The following ITGAE variants were observed in gnomAD, a reference collection of about 807,000 sequenced individuals.
ITGAE encodes integrin subunit alpha E.
ITGAE carries 99 observed loss-of-function variants against 136.5 expected under a neutral mutation model. The observed-to-expected ratio is 0.73, with a 90% CI of 0.62 to 0.86. ITGAE has a LOEUF of 0.86. ITGAE is among the 40% of genes least tolerant of loss of function. ITGAE has a pLI of 0.00. For missense variants in ITGAE, 1,447 were observed against 1,515.3 expected (o/e 0.95, Z 0.75); for synonymous variants, 613 against 591.8 (o/e 1.04, Z -0.52).
intron 20 of ITGAE, among the ~76,000 whole-genome samples, chr17:3,739,259 G>GT (rs2051529624): frequency 6.6e-6 from 1 of 152,082 alleles, no homozygotes; most frequent in South Asian, 2.1e-4. Flanking sequence ...CACCTTCCCT[G>GT]TGTCTTCAAC....
At chr17:3,722,869 G>A (rs1194585551) in intron 28 of ITGAE, among the ~76,000 whole-genome samples, 3 of 152,230 alleles carry the variant, frequency 2.0e-5, no homozygotes, top group African/African-American at 7.2e-5. Flanking sequence ...TAGCTGTTAC[G>A]TGGGAATTAT....
intron 22 of ITGAE, among the ~76,000 whole-genome samples, chr17:3,731,874 A>G (rs1358557749): frequency 1.3e-5 from 2 of 150,014 alleles, no homozygotes; most frequent in African/African-American, 4.9e-5. Flanking sequence ...GGAGTTTGAG[A>G]CCAGCCTGGC....
chr17:3,795,307 C>T lies in ITGAE; in HGVS notation c.34+5804G>A, dbSNP rs540054441. Among the ~76,000 whole-genome samples, 30 of 152,314 alleles carry T rather than the reference C, an allele frequency of 2.0e-4. No individual in the cohort carries two copies. The South Asian group carries it at 5.6e-3, about 28-fold the overall frequency. On this transcript the variant is annotated intron_variant, in intron 1 of 30. Coordinates refer to ENST00000263087, the MANE Select transcript of ITGAE (RefSeq NM_002208.5). ...CCCCCAGCCACAGAGCCCAGCTCAG[C>T]GCAGGGCCAGGCCCACCCAAAAAAG...
chr17:3,770,407 G>T (rs573403209), intron 2 of ITGAE, among the ~76,000 whole-genome samples: 1 of 152,224 alleles, frequency 6.6e-6, no homozygotes, highest in Non-Finnish European at 1.5e-5. Context: ...TGGGATTACG[G>T]GTGTGAGCCC....
intron 1 of ITGAE, chr17:3,784,456 G>A: frequency 2.9e-5 from 5 of 170,088 alleles, no homozygotes; most frequent in Non-Finnish European, 6.3e-5. Flanking sequence ...GTGCAGTGGT[G>A]CAATCTTGGC....
At chr17:3,788,273 T>A (rs1291895642) in intron 1 of ITGAE, among the ~76,000 whole-genome samples, 3 of 151,756 alleles carry the variant, frequency 2.0e-5, no homozygotes, top group Non-Finnish European at 2.9e-5. Flanking sequence ...CCCCCAAGGT[T>A]GTACACAGTA....
At chr17:3,735,085 C>T (rs2051432171) in intron 20 of ITGAE, 136 bp from the exon 21 acceptor site, 1 of 969,816 alleles carries the variant, frequency 1.0e-6, no homozygotes, top group Admixed American at 2.1e-5. Flanking sequence ...CCTCCACTTC[C>T]TGGGTTCAAG....
At chr17:3,750,043 T>G (rs1024327307) in intron 16 of ITGAE, among the ~76,000 whole-genome samples, 2 of 152,120 alleles carry the variant, frequency 1.3e-5, no homozygotes, top group East Asian at 3.8e-4. Flanking sequence ...CAAAAAACTC[T>G]GCAATCACAG....
At chr17:3,793,507 T>C (rs1434533582) in intron 1 of ITGAE, among the ~76,000 whole-genome samples, 1 of 152,212 alleles carries the variant, frequency 6.6e-6, no homozygotes, top group Non-Finnish European at 1.5e-5. Flanking sequence ...CTACTGGGCA[T>C]CCCTTATCTC....
At chr17:3,737,110 T>C (rs1384078981) in intron 20 of ITGAE, among the ~76,000 whole-genome samples, 2 of 152,036 alleles carry the variant, frequency 1.3e-5, no homozygotes, top group African/African-American at 2.4e-5. Context: ...CTGGCCAACA[T>C]GGTAAAACCC....
chr17:3,758,866 C>T (rs1428389310), intron 8 of ITGAE, among the ~76,000 whole-genome samples: 1 of 151,772 alleles, frequency 6.6e-6, no homozygotes, highest in Non-Finnish European at 1.5e-5. Flanking sequence ...TGGCTCACGC[C>T]TGTAATCCCA....
Position 3,801,180 on chromosome 17 carries a change from G to A in ITGAE, c.-36C>T, listed in dbSNP as rs1484903047. The A allele has an allele frequency of 3.1e-6, 5 of 1,606,976 alleles. No individual in the cohort carries two copies. Among genetic ancestry groups the A allele is most frequent in the Middle Eastern group, 1.7e-4 (1 of 6,048 alleles). On this transcript the variant is annotated 5_prime_UTR_variant, in exon 1 of 31. Coordinates refer to ENST00000263087, the MANE Select transcript of ITGAE (RefSeq NM_002208.5). ...GCAGAGGCGGCTGTGTGGGAGCCGA[G>A]GCGAGTGCGACACATGGGCCGTGGC...
chr17:3,759,971 T>C (rs1354171802), intron 7 of ITGAE, among the ~76,000 whole-genome samples: 1 of 152,172 alleles, frequency 6.6e-6, no homozygotes, highest in Non-Finnish European at 1.5e-5. Context: ...GAGGTCATCT[T>C]AGGCCATCCA....
At chr17:3,730,448 T>A (rs2051314689) in intron 23 of ITGAE, 1 of 89,490 alleles carries the variant, frequency 1.1e-5, no homozygotes, top group Non-Finnish European at 3.1e-5. Flanking sequence ...CGAGACTCTG[T>A]CTCAAAAAAT....
intron 2 of ITGAE, among the ~76,000 whole-genome samples, chr17:3,770,940 C>T (rs536820653): frequency 2.6e-5 from 4 of 152,246 alleles, no homozygotes; most frequent in Non-Finnish European, 5.9e-5. Flanking sequence ...GAGACAGTTA[C>T]AGAAAACGCT....
chr17:3,760,439 T>TA lies in ITGAE; in HGVS notation c.599-153_599-152insT, dbSNP rs2052138879. On this transcript the variant is annotated intron_variant, in intron 6 of 30. Transcript: ENST00000263087. ...GCTCCCAAGAGGGAAGCTTTTTTTT[T>TA]TTTTTTTTTTTTTTTTTTGAGACAG... 4.4e-5 allele frequency: 21 copies of TA among 480,366 alleles called. No homozygotes were observed. In the South Asian group the frequency reaches 7.4e-4, roughly 17 times the overall value. The allele number at this position is 480,366 out of a possible 1,614,324, so 29.8% of individuals were successfully genotyped here.
In ITGAE at chr17:3,737,428, A is replaced by AGGTGGCTGAGTGGTGCC. The variant is rs375190894; in HGVS notation, c.2522+2360_2522+2376dup. ...AGGGCAAGTTCTGAGTTTCTAGCTCAGGTGGCTGAGTGGTGCCGGTGGCTG... is the reference window on the plus strand; with the variant it reads ...AGGGCAAGTTCTGAGTTTCTAGCTCAGGTGGCTGAGTGGTGCCGGTGGCTGAGTGGTGCCGGTGGCTG... On this transcript the variant is annotated intron_variant, in intron 20 of 30. Coordinates refer to ENST00000263087, the MANE Select transcript of ITGAE (RefSeq NM_002208.5). 4.7e-4 allele frequency among the ~76,000 whole-genome samples: 72 copies of AGGTGGCTGAGTGGTGCC among 152,158 alleles called. 1 individual carries two copies. Among genetic ancestry groups the AGGTGGCTGAGTGGTGCC allele is most frequent in the Admixed American group, 1.1e-3 (17 of 15,286 alleles).
intron 19 of ITGAE, 146 bp from the exon 20 acceptor site, chr17:3,740,024 C>G: frequency 3.0e-6 from 2 of 671,062 alleles, no homozygotes; most frequent in South Asian, 1.6e-5. Context: ...GGGGTGCAGG[C>G]TGGGATTGTC....
chr17:3,777,717 C>T lies in ITGAE; in HGVS notation c.35-57G>A, dbSNP rs906501765. On this transcript the variant is annotated intron_variant, in intron 1 of 30. Transcript: ENST00000263087. ...AGGCCTTTTACTCCCGTTATTCCAG[C>T]AAATCCTGTGGTGTCATGAACCCCG... 2.4e-5 allele frequency: 37 copies of T among 1,550,678 alleles called. No individual in the cohort carries two copies. The African/African-American group carries it at 4.6e-4, about 19-fold the overall frequency.
Sources: gnomAD v4.1 joint callset for allele counts (sites outside exome capture counted in the v4.1 genomes callset) on GRCh38, gnomAD v4.1.1 for gene constraint, MANE v1.5 for transcripts, NCBI Gene and HGNC (gene_info 2026-07-23, HGNC 2026-07-21) for gene names.